Variants in NOL9 observed in about 807,000 individuals in gnomAD.
The protein encoded by NOL9 is polynucleotide 5'-hydroxyl-kinase NOL9.
A neutral mutation model predicts 67.9 loss-of-function variants in NOL9; 28 were observed. The ratio of observed to expected loss-of-function variants is 0.41; its 90% CI spans 0.31 to 0.57. The LOEUF (loss-of-function observed/expected upper bound fraction) is 0.57. Ranked by LOEUF, NOL9 falls within the 20% of genes least tolerant of loss-of-function variation. The probability of loss-of-function intolerance (pLI) is 0.25; values close to 1 mark genes in which losing one functional copy is unlikely to be tolerated. For synonymous variants in NOL9, 356 were observed against 352.2 expected (o/e 1.01, Z -0.12); for missense variants, 777 against 897.0 (o/e 0.87, Z 1.71).
rs1330247177 is a variant in NOL9, at chr1:6,533,394, C to A, written c.1123G>T (p.Gly375Trp). Residue 375 changes from glycine to tryptophan, a missense_variant, in exon 7 of 12, where the codon GGG becomes TGG. Around this residue, in one of 2 missense-constraint regions of NOL9, gnomAD observed 413 missense variants for 552.6 expected, o/e 0.75. Transcript: ENST00000377705. ...TAGTTGTTTTTACAAGAAGGTTTCC[C>A]ATAATATACCATCTTCTGTGGAGTC... ...LRTPQKMVYYGKPSCKNNYEN... is the reference protein window; with the variant it reads ...LRTPQKMVYYWKPSCKNNYEN... The A allele has an allele frequency of 6.2e-7, 1 of 1,612,442 alleles. No individual in the cohort carries two copies. Among genetic ancestry groups the A allele is most frequent in the Non-Finnish European group, 8.5e-7 (1 of 1,179,122 alleles).
intron 6 of NOL9, 30 bp downstream of exon 6, chr1:6,541,800 C>A: frequency 7.3e-7 from 1 of 1,364,064 alleles, no homozygotes; most frequent in Non-Finnish European, 1.0e-6. Context: ...TTCATAAAAC[C>A]AAGACATTTG....
In NOL9 at chr1:6,554,497, C is replaced by T. The variant is rs1466282489; in HGVS notation, c.6G>A (p.Ala2=). Residue 2 remains alanine (A), a synonymous_variant, in exon 1 of 12, where the codon GCG becomes GCA. Transcript: ENST00000377705. M[A]DSGLLLKRGS... is the part of the protein sequence containing the mutation. ...CCCGCTTTAGCAGCAGTCCCGAGTC[C>T]GCCATGCTGGGTCCTCAGGGCCTAC... The T allele has an allele frequency of 1.0e-5, 16 of 1,537,270 alleles. No individual in the cohort carries two copies. The South Asian group carries it at 1.4e-4, about 14-fold the overall frequency.
At position 6,532,589 on chromosome 1, in the gene NOL9, C is replaced by T; in HGVS notation, c.1409G>A (p.Arg470Lys). 1 of 1,614,218 alleles carries T rather than the reference C, an allele frequency of 6.2e-7. No individual in the cohort carries two copies. The highest frequency in any genetic ancestry group is 1.1e-5 in the South Asian group (1 of 91,082). ...CAAAGCATCTGCAAATGCTGCGAGT[C>T]TGAAACGTCGATTTCTCATCTTGGT... ...SKTKMRNRRF[R>K]LAAFADALEF... Residue 470 changes from arginine to lysine, a missense_variant, in exon 8 of 12, where the codon AGA (arginine) becomes AAA (lysine). Around this residue, in one of 2 missense-constraint regions of NOL9, gnomAD observed 413 missense variants for 552.6 expected, o/e 0.75. Coordinates refer to ENST00000377705, the MANE Select transcript of NOL9 (RefSeq NM_024654.5).
At chr1:6,542,459 A>T (rs1469767215) in intron 5 of NOL9, among the ~76,000 whole-genome samples, 1 of 70,340 alleles carries the variant, frequency 1.4e-5, no homozygotes, top group Non-Finnish European at 3.4e-5. Context: ...CACTGAGCCC[A>T]GCTGAATTTT....
intron 1 of NOL9, among the ~76,000 whole-genome samples, chr1:6,553,783 A>C (rs1294675609): frequency 6.6e-6 from 1 of 152,168 alleles, no homozygotes; most frequent in Non-Finnish European, 1.5e-5. Context: ...CGGAGGTTGC[A>C]GTGAGCCGAG....
At chr1:6,537,737 C>G (rs1398924268) in intron 6 of NOL9, among the ~76,000 whole-genome samples, 1 of 151,982 alleles carries the variant, frequency 6.6e-6, no homozygotes, top group Non-Finnish European at 1.5e-5. Context: ...GGTGGAAAAT[C>G]TCAATATCTA....
chr1:6,530,476 A>C (rs887427776), intron 9 of NOL9, among the ~76,000 whole-genome samples: 4 of 152,202 alleles, frequency 2.6e-5, no homozygotes, highest in African/African-American at 9.7e-5. Flanking sequence ...TAAATAAATA[A>C]ATGTGAAGTA....
At chr1:6,533,974 G>A (rs957909207) in intron 6 of NOL9, among the ~76,000 whole-genome samples, 4 of 151,170 alleles carry the variant, frequency 2.6e-5, no homozygotes, top group Admixed American at 1.3e-4. Flanking sequence ...AGCAACCTCC[G>A]CCTGCCAGGT....
rs1186841029 is a variant in NOL9 at position 6,524,453 on chromosome 1, GAC to G, written c.*1399_*1400del. 1 of 152,126 alleles carries G rather than the reference GAC, an allele frequency of 6.6e-6. No individual in the cohort carries two copies. Among genetic ancestry groups the G allele is most frequent in the Non-Finnish European group, 1.5e-5 (1 of 68,044 alleles). 9.4% of individuals were successfully genotyped at this position (152,126 alleles called of 1,614,324 possible). ...TACACAAACCACTTCCAACCTAGAG[GAC>G]AGAGTCGGAAGCACCAGGGAGAACG... On this transcript the variant is annotated 3_prime_UTR_variant, in exon 12 of 12. Coordinates refer to ENST00000377705, the MANE Select transcript of NOL9 (RefSeq NM_024654.5).
intron 3 of NOL9, chr1:6,548,388 CTG>C (rs1338401201): frequency 9.7e-6 from 2 of 205,904 alleles, no homozygotes; most frequent in African/African-American, 2.3e-5. Flanking sequence ...CTGAAGTGAT[CTG>C]CCCACCTCAG....
In NOL9 at chr1:6,549,615, A is replaced by G; in HGVS notation, c.700T>C (p.Phe234Leu). 6.2e-7 allele frequency: 1 copy of G among 1,614,170 alleles called. No individual in the cohort carries two copies. Among genetic ancestry groups the G allele is most frequent in the Non-Finnish European group, 8.5e-7 (1 of 1,180,018 alleles). Residue 234 changes from phenylalanine (F) to leucine (L), a missense_variant, in exon 3 of 12, where the codon TTC becomes CTC. By Grantham distance (22) the Phe-to-Leu change is conservative (BLOSUM62 0). This residue lies in a region of NOL9 where 364 missense variants were observed against 344.4 expected (regional missense o/e 1.06). Coordinates refer to ENST00000377705, the MANE Select transcript of NOL9 (RefSeq NM_024654.5). ...LEHLKTATVN[F>L]ITSYPGSSYI... Reference sequence around the variant, plus strand: ...GATGAACCCGGATAGCTGGTTATGAAGTTTACAGTGGCAGTTTTCAGATGT... The same window carrying G: ...GATGAACCCGGATAGCTGGTTATGAGGTTTACAGTGGCAGTTTTCAGATGT...
chr1:6,554,081 G>A (rs544043133), intron 1 of NOL9, 26 bp downstream of exon 1: 659 of 1,507,676 alleles, frequency 4.4e-4, no homozygotes, highest in Admixed American at 1.2e-3. Flanking sequence ...TGCCCTCGGG[G>A]ACTACTACCG....
chr1:6,532,615 C>A lies in NOL9; in HGVS notation c.1383G>T (p.Lys461Asn), dbSNP rs750122619. ...TGAAACGTCGATTTCTCATCTTGGTCTTGCTTTTTGTGTACAAGCCATCCA... is the reference window on the plus strand; with the variant it reads ...TGAAACGTCGATTTCTCATCTTGGTATTGCTTTTTGTGTACAAGCCATCCA... ...DDMDGLYTKSKTKMRNRRFRL... is the reference protein window; with the variant it reads ...DDMDGLYTKSNTKMRNRRFRL... Residue 461 changes from lysine (K) to asparagine (N), a missense_variant, in exon 8 of 12, where the codon AAG (lysine) becomes AAT (asparagine). Around this residue, in one of 2 missense-constraint regions of NOL9, gnomAD observed 413 missense variants for 552.6 expected, o/e 0.75. Coordinates refer to ENST00000377705, the MANE Select transcript of NOL9 (RefSeq NM_024654.5). The A allele has an allele frequency of 1.2e-6, 2 of 1,614,172 alleles. No homozygotes were observed. Among genetic ancestry groups the A allele is most frequent in the South Asian group, 2.2e-5 (2 of 91,070 alleles).
At chr1:6,542,843 C>T (rs1228013234) in intron 5 of NOL9, among the ~76,000 whole-genome samples, 3 of 152,154 alleles carry the variant, frequency 2.0e-5, no homozygotes, top group African/African-American at 4.8e-5. Context: ...CCACCTGCCT[C>T]GGCCTCCCAA....
rs755317938 is a variant in NOL9 at position 6,533,331 on chromosome 1, C to T, written c.1186G>A (p.Ala396Thr). 4.3e-6 allele frequency: 7 copies of T among 1,612,936 alleles called. No individual in the cohort carries two copies. In the East Asian group the frequency reaches 1.1e-4, roughly 26 times the overall value. ...YIDIVKYVFS[A>T]YKRESPLIVN... Reference sequence around the variant, plus strand: ...ATGAGAGGGGACTCTCTCTTGTAAGCGCTGAACACATATTTCACTATGTCA... The same window carrying T: ...ATGAGAGGGGACTCTCTCTTGTAAGTGCTGAACACATATTTCACTATGTCA... Residue 396 changes from alanine to threonine, a missense_variant, in exon 7 of 12, where the codon GCT (alanine) becomes ACT (threonine). This residue lies in a region of NOL9 where 413 missense variants were observed against 552.6 expected (regional missense o/e 0.75). Coordinates refer to ENST00000377705, the MANE Select transcript of NOL9 (RefSeq NM_024654.5).
At chr1:6,532,140 C>G in intron 8 of NOL9, 61 bp from the exon 9 acceptor site, 1 of 1,246,336 alleles carries the variant, frequency 8.0e-7, no homozygotes, top group Non-Finnish European at 1.2e-6. Context: ...ACCTCCCACA[C>G]CTGTCATCAC....
chr1:6,543,120 C>T (rs1358269049), intron 5 of NOL9, among the ~76,000 whole-genome samples: 2 of 151,260 alleles, frequency 1.3e-5, no homozygotes, highest in Non-Finnish European at 3.0e-5. Context: ...TCCGAAACTC[C>T]TGGGCTCACG....
At chr1:6,528,880 G>T in intron 10 of NOL9, 114 bp downstream of exon 10, 1 of 1,014,466 alleles carries the variant, frequency 9.9e-7, no homozygotes, top group Non-Finnish European at 1.5e-6. Context: ...ATGAGTGGGG[G>T]TTCTCTGACC....
At chr1:6,532,301 G>C in intron 8 of NOL9, 162 bp downstream of exon 8, 1 of 764,408 alleles carries the variant, frequency 1.3e-6, no homozygotes, top group Non-Finnish European at 2.1e-6. Context: ...TTTCCACTGG[G>C]AACATAACAG....
Sources: gnomAD v4.1 joint callset for allele counts (sites outside exome capture counted in the v4.1 genomes callset) on GRCh38, gnomAD v4.1.1 for gene constraint, gnomAD v4.1.1 regional missense constraint, MANE v1.5 for transcripts, NCBI Gene and HGNC (gene_info 2026-07-23, HGNC 2026-07-21) for gene names.